TACC2: variants seen among roughly 807,000 people sequenced by gnomAD.
TACC2 encodes the protein transforming acidic coiled-coil-containing protein 2.
A neutral mutation model predicts 227.3 loss-of-function variants in TACC2; 137 were observed. The observed-to-expected ratio is 0.60, with a 90% CI of 0.52 to 0.69. The LOEUF (loss-of-function observed/expected upper bound fraction) is 0.69, where lower values mean the gene tolerates loss of function less well. Among genes scored for constraint, TACC2 ranks in the 30% least tolerant of loss-of-function variants. TACC2 has a pLI of 0.00. For synonymous variants in TACC2, 1,523 were observed against 1,487.5 expected (o/e 1.02, Z -0.55); for missense variants, 3,470 against 3,694.4 (o/e 0.94, Z 1.57).
intron 3 of TACC2, among the ~76,000 whole-genome samples, chr10:122,075,384 C>T (rs1270839503): frequency 3.9e-5 from 6 of 152,060 alleles, no homozygotes; most frequent in Non-Finnish European, 5.9e-5. Flanking sequence ...CAAATAGCTG[C>T]GAGAGGAGAA....
At chr10:122,185,132 C>T (rs1356082843) in intron 7 of TACC2, among the ~76,000 whole-genome samples, 1 of 150,828 alleles carries the variant, frequency 6.6e-6, no homozygotes, top group Non-Finnish European at 1.5e-5. Context: ...TCCCAAAGTG[C>T]CGGGATTACA....
Position 122,085,866 on chromosome 10 carries a change from G to A in TACC2, c.3366G>A (p.Glu1122=), listed in dbSNP as rs1441829059. 6.2e-7 allele frequency: 1 copy of A among 1,613,164 alleles called. No individual in the cohort carries two copies. Among genetic ancestry groups the A allele is most frequent in the African/African-American group, 1.3e-5 (1 of 74,942 alleles). ...KLLASFPSAG[E]QGGEAGAAET... ...TTGCAAGTTTCCCATCAGCTGGGGA[G>A]CAAGGTGGTGAAGCCGGGGCTGCTG... The change falls in exon 4 of 23, where the codon GAG becomes GAA. Residue 1122 remains glutamate, a synonymous_variant. Transcript: ENST00000369005.
At chr10:122,069,654 C>T (rs1031881389) in intron 3 of TACC2, among the ~76,000 whole-genome samples, 1 of 152,166 alleles carries the variant, frequency 6.6e-6, no homozygotes, top group African/African-American at 2.4e-5. Flanking sequence ...CCTCATATGA[C>T]GTTTTCCAAC....
chr10:122,066,100 CTT>C (rs374095548), intron 3 of TACC2, among the ~76,000 whole-genome samples: 23 of 143,450 alleles, frequency 1.6e-4, no homozygotes, highest in Non-Finnish European at 1.2e-4. Flanking sequence ...AAAATCTATA[CTT>C]TTTTTTTTTT....
In TACC2 at chr10:122,120,851, C is replaced by T. The variant is rs558691491; in HGVS notation, c.5574-11758C>T. Among the ~76,000 whole-genome samples, 12 of 152,234 alleles carry T rather than the reference C, an allele frequency of 7.9e-5. No homozygotes were observed. The South Asian group carries it at 1.5e-3, about 18-fold the overall frequency. On this transcript the variant is annotated intron_variant, in intron 5 of 22. Transcript: ENST00000369005. Reference sequence around the variant, plus strand: ...TCTCAGCTCAGCTCACTGCAACCTCCGCTTCCCGGGTTCAAGTGATTCTCC... The same window carrying T: ...TCTCAGCTCAGCTCACTGCAACCTCTGCTTCCCGGGTTCAAGTGATTCTCC...
In TACC2 at chr10:122,050,834, A is replaced by C. The variant is rs983632059; in HGVS notation, c.146+284A>C. The C allele has an allele frequency of 2.5e-6, 1 of 395,698 alleles. No homozygotes were observed. Among genetic ancestry groups the C allele is most frequent in the Non-Finnish European group, 4.5e-6 (1 of 219,838 alleles). 24.5% of individuals were successfully genotyped at this position (395,698 alleles called of 1,614,324 possible). ...AGAGTATCTTCATTGTCAGAACTTA[A>C]AATGGAAAACATCAAGGGTTCCCAG... On this transcript the variant is annotated intron_variant, in intron 3 of 22. Coordinates refer to ENST00000369005, the MANE Select transcript of TACC2 (RefSeq NM_206862.4). This position sits in a 1 kb window ranked among gnomAD's most constrained non-coding sequence, Gnocchi z 4.6.
At chr10:122,174,772 C>T (rs569470188) in intron 7 of TACC2, among the ~76,000 whole-genome samples, 83 of 152,232 alleles carry the variant, frequency 5.5e-4, no homozygotes, top group Non-Finnish European at 1.1e-3. Context: ...CTAAGTTGTA[C>T]AATAGATCTA....
intron 7 of TACC2, among the ~76,000 whole-genome samples, chr10:122,183,630 A>G (rs1053461439): frequency 3.9e-5 from 6 of 152,206 alleles, no homozygotes; most frequent in Admixed American, 2.6e-4. Context: ...CTATGGATCT[A>G]GATGCAGAAA....
intron 9 of TACC2, among the ~76,000 whole-genome samples, chr10:122,214,593 A>G (rs1415322849): frequency 6.6e-6 from 1 of 152,194 alleles, no homozygotes; most frequent in Non-Finnish European, 1.5e-5. Context: ...TGACTGTGGA[A>G]GTGACCCCCA....
chr10:122,040,115 G>A (rs1393673555), intron 2 of TACC2, among the ~76,000 whole-genome samples: 2 of 152,166 alleles, frequency 1.3e-5, no homozygotes, highest in African/African-American at 4.8e-5. Context: ...GGTTACTAAA[G>A]TACACTTGCA....
In TACC2 at chr10:122,141,054, G is replaced by A. The variant is rs1290743864; in HGVS notation, c.5700-2518G>A. ...GCTCAGAGAGGGCAGATTCCAGAAG[G>A]AGAAGGAGGTGACTCAGCAGGAAGG... On this transcript the variant is annotated intron_variant, in intron 6 of 22. Coordinates refer to ENST00000369005, the MANE Select transcript of TACC2 (RefSeq NM_206862.4). The surrounding 1 kb of genome is among the most constrained non-coding windows in gnomAD (Gnocchi z 4.3). Among the ~76,000 whole-genome samples, 1 of 152,208 alleles carries A rather than the reference G, an allele frequency of 6.6e-6. No individual in the cohort carries two copies. Among genetic ancestry groups the A allele is most frequent in the African/African-American group, 2.4e-5 (1 of 41,462 alleles).
intron 2 of TACC2, among the ~76,000 whole-genome samples, chr10:122,046,335 G>A (rs1420170871): frequency 2.6e-5 from 4 of 151,910 alleles, no homozygotes; most frequent in South Asian, 2.1e-4. Flanking sequence ...TTAGCCGGGC[G>A]TGGTGGTGGG....
chr10:122,164,117 C>T, intron 7 of TACC2: 1 of 1,200,180 alleles, frequency 8.3e-7, no homozygotes, highest in Non-Finnish European at 1.2e-6. Context: ...GGGTTCTTCG[C>T]AGCCTTGGAA....
chr10:122,211,457 CCCCAATTTTAA>C lies in TACC2; in HGVS notation c.7036_7046del (p.Asn2346PhefsTer21). ...CCTTTGATATTGACAAGTGGGATGA[CCCCAATTTTAA>C]CCCTTTTTCTTCCACCTCAAAAATG... On this transcript the variant is annotated frameshift_variant, in exon 9 of 23. Coordinates refer to ENST00000369005, the MANE Select transcript of TACC2 (RefSeq NM_206862.4). LOFTEE classifies it high-confidence loss of function. 1 of 1,614,088 alleles carries C rather than the reference CCCCAATTTTAA, an allele frequency of 6.2e-7. No individual in the cohort carries two copies. The highest frequency in any genetic ancestry group is 8.5e-7 in the Non-Finnish European group (1 of 1,180,028).
At chr10:122,117,303 T>A (rs1432417986) in intron 5 of TACC2, among the ~76,000 whole-genome samples, 9 of 151,468 alleles carry the variant, frequency 5.9e-5, no homozygotes, top group African/African-American at 2.2e-4. Flanking sequence ...CAAGTGATTC[T>A]CCTGCCTCAG....
At chr10:122,014,751 T>C (rs1470414821) in intron 1 of TACC2, among the ~76,000 whole-genome samples, 1 of 152,166 alleles carries the variant, frequency 6.6e-6, no homozygotes, top group Admixed American at 6.5e-5. Flanking sequence ...CTTGGTCATC[T>C]TGGCCATGGT....
chr10:122,039,027 G>A (rs2073928166), intron 2 of TACC2, among the ~76,000 whole-genome samples: 1 of 152,178 alleles, frequency 6.6e-6, no homozygotes, highest in African/African-American at 2.4e-5. Flanking sequence ...CCAGGCTGGA[G>A]TGCAGTGGCA....
rs1210204744 is a variant in TACC2 at position 122,210,847 on chromosome 10, C to A, written c.6422C>A (p.Thr2141Asn). The change falls in exon 9 of 23, where the codon ACC becomes AAC. Residue 2141 changes from threonine to asparagine, a missense_variant. This residue lies in a region of TACC2 where 593 missense variants were observed against 636.6 expected (regional missense o/e 0.93). Coordinates refer to ENST00000369005, the MANE Select transcript of TACC2 (RefSeq NM_206862.4). This position sits in a 1 kb window ranked among gnomAD's most constrained non-coding sequence, Gnocchi z 4.6. ...CCTTCCTTAAAAAAGAAACAGACCA[C>A]CAAGAAACCCACAGAGACCCCCCCA... Reference protein sequence around the residue: ...RPPSLKKKQTTKKPTETPPVK... With the variant: ...RPPSLKKKQTNKKPTETPPVK... The A allele has an allele frequency of 3.7e-6, 6 of 1,612,648 alleles. No homozygotes were observed. In the Admixed American group the frequency reaches 1.0e-4, roughly 27 times the overall value.
chr10:122,113,011 T>G (rs1345358261), intron 5 of TACC2: 2 of 152,262 alleles, frequency 1.3e-5, no homozygotes, highest in Non-Finnish European at 2.9e-5. Flanking sequence ...GCCCAGTCAT[T>G]GGCCTTTTGT....
Sources: gnomAD v4.1 joint callset for allele counts (sites outside exome capture counted in the v4.1 genomes callset) on GRCh38, gnomAD v4.1.1 for gene constraint, gnomAD v4.1.1 regional missense constraint, Gnocchi (gnomAD v3.1) non-coding constraint, MANE v1.5 for transcripts, NCBI Gene and HGNC (gene_info 2026-07-23, HGNC 2026-07-21) for gene names.